The following CDH8 variants were observed in gnomAD, a reference collection of about 807,000 sequenced individuals.
The protein encoded by CDH8 is cadherin 8, also known as cadherin-8.
A neutral mutation model predicts 68.1 loss-of-function variants in CDH8; 17 were observed. That is an observed-to-expected ratio of 0.25 (90% CI 0.17 to 0.37). The LOEUF is 0.37. Ranked by LOEUF, CDH8 falls within the 10% of genes least tolerant of loss-of-function variation. The pLI, the probability that CDH8 is intolerant of heterozygous loss-of-function variation, is 1.00. For synonymous variants in CDH8, 372 were observed against 365.1 expected (o/e 1.02, Z -0.21); for missense variants, 763 against 999.3 (o/e 0.76, Z 3.19).
intron 2 of CDH8, among the ~76,000 whole-genome samples, chr16:61,972,087 G>A (rs991110477): frequency 7.9e-5 from 12 of 152,030 alleles, no homozygotes; most frequent in African/African-American, 2.7e-4. Context: ...GAATCATGGG[G>A]GCAGTTTCCC....
intron 2 of CDH8, among the ~76,000 whole-genome samples, chr16:61,932,940 T>C (rs944286828): frequency 6.6e-6 from 1 of 152,154 alleles, no homozygotes; most frequent in Non-Finnish European, 1.5e-5. Flanking sequence ...GATATTGAGG[T>C]TGTGATCCAG....
chr16:61,835,160 C>T (rs1258844823), intron 4 of CDH8, among the ~76,000 whole-genome samples: 2 of 151,852 alleles, frequency 1.3e-5, no homozygotes, highest in Non-Finnish European at 2.9e-5. Context: ...TCTATATGCC[C>T]TGCCCCATTT....
At chr16:61,913,400 C>T (rs1467937998) in intron 2 of CDH8, among the ~76,000 whole-genome samples, 1 of 152,076 alleles carries the variant, frequency 6.6e-6, no homozygotes, top group Middle Eastern at 3.2e-3. Context: ...GGAGGATGTA[C>T]ATAGGTTATA....
intron 4 of CDH8, among the ~76,000 whole-genome samples, chr16:61,837,199 T>C (rs1171737696): frequency 6.6e-6 from 1 of 152,048 alleles, no homozygotes; most frequent in East Asian, 1.9e-4. Flanking sequence ...TCCTGCTTCA[T>C]CAGATCACTG....
intron 10 of CDH8, among the ~76,000 whole-genome samples, chr16:61,686,068 A>C (rs952687897): frequency 6.6e-6 from 1 of 152,014 alleles, no homozygotes; most frequent in African/African-American, 2.4e-5. Context: ...AGAAATTTAG[A>C]TAAATGTGGA....
chr16:61,760,145 G>A (rs1002643543), intron 8 of CDH8, among the ~76,000 whole-genome samples: 1 of 152,042 alleles, frequency 6.6e-6, no homozygotes, highest in Admixed American at 6.6e-5. Context: ...AGTTGACACT[G>A]TCTAGATGAG....
intron 9 of CDH8, among the ~76,000 whole-genome samples, chr16:61,715,613 A>C (rs547187380): frequency 6.6e-6 from 1 of 151,564 alleles, no homozygotes; most frequent in East Asian, 1.9e-4. Context: ...CATTTTGATA[A>C]ATCTTTTATA....
intron 8 of CDH8, among the ~76,000 whole-genome samples, chr16:61,752,117 G>T (rs1960183502): frequency 6.6e-6 from 1 of 152,268 alleles, no homozygotes; most frequent in African/African-American, 2.4e-5. Context: ...CTAGAAAGGA[G>T]TAAGTGCTAA....
chr16:61,801,268 T>A (rs760376402), intron 7 of CDH8, among the ~76,000 whole-genome samples: 12 of 152,206 alleles, frequency 7.9e-5, no homozygotes, highest in Non-Finnish European at 1.6e-4. Context: ...AGGTCTAGTA[T>A]ACCACACTGA....
At chr16:61,972,597 T>TGTGTGTGTGC (rs1965360512) in intron 2 of CDH8, among the ~76,000 whole-genome samples, 2 of 151,624 alleles carry the variant, frequency 1.3e-5, no homozygotes, top group African/African-American at 4.9e-5. Flanking sequence ...TGTGTGTGTG[T>TGTGTGTGTGC]GTGTGTGTGT....
intron 2 of CDH8, among the ~76,000 whole-genome samples, chr16:62,016,989 C>A (rs905948081): frequency 3.6e-4 from 55 of 152,300 alleles, no homozygotes; most frequent in African/African-American, 1.2e-3. Flanking sequence ...AAATTGTTAA[C>A]TACCCAGGTG....
chr16:61,782,930 T>C (rs561226031), intron 8 of CDH8, among the ~76,000 whole-genome samples: 58 of 151,986 alleles, frequency 3.8e-4, no homozygotes, highest in African/African-American at 7.5e-4. Flanking sequence ...ACCGAAAACC[T>C]ATCTGTACAT....
chr16:61,803,483 A>G (rs1053198178), intron 7 of CDH8, among the ~76,000 whole-genome samples: 1 of 151,190 alleles, frequency 6.6e-6, no homozygotes, highest in East Asian at 1.9e-4. Flanking sequence ...CTTTAAATGT[A>G]AATGGACTAA....
chr16:61,741,174 T>C (rs1959862982), intron 8 of CDH8, among the ~76,000 whole-genome samples: 1 of 152,076 alleles, frequency 6.6e-6, no homozygotes, highest in Non-Finnish European at 1.5e-5. Context: ...TTTTCTTATG[T>C]TTACTGGCCA....
intron 8 of CDH8, among the ~76,000 whole-genome samples, chr16:61,751,180 C>G (rs1208591849): frequency 6.6e-6 from 1 of 151,744 alleles, no homozygotes; most frequent in African/African-American, 2.4e-5. Context: ...AATACCGATG[C>G]AATACAGCAC....
chr16:61,808,536 T>C lies in CDH8; in HGVS notation c.1277+8943A>G, dbSNP rs928181699. Among the ~76,000 whole-genome samples the C allele has an allele frequency of 3.3e-5, 5 of 152,330 alleles. No homozygotes were observed. In the East Asian group the frequency reaches 7.7e-4, roughly 24 times the overall value. On this transcript the variant is annotated intron_variant, in intron 7 of 11. Transcript: ENST00000577390. ...GATTCAACATGGGTGCATGCTGTCA[T>C]GGGCCCCATGAGTACTAAGATTCCA...
chr16:61,851,524 T>C (rs1441872525), intron 4 of CDH8, among the ~76,000 whole-genome samples: 1 of 152,046 alleles, frequency 6.6e-6, no homozygotes, highest in Non-Finnish European at 1.5e-5. Flanking sequence ...TTCAATCACC[T>C]AGGATGGACT....
chr16:61,843,817 C>T (rs890091655), intron 4 of CDH8, among the ~76,000 whole-genome samples: 2 of 152,130 alleles, frequency 1.3e-5, no homozygotes, highest in African/African-American at 4.8e-5. Flanking sequence ...CACTGACTTC[C>T]ACAATGGTTG....
At chr16:61,964,148 C>T (rs753460920) in intron 2 of CDH8, among the ~76,000 whole-genome samples, 2 of 152,200 alleles carry the variant, frequency 1.3e-5, no homozygotes, top group Non-Finnish European at 2.9e-5. Flanking sequence ...TGTTTCCAGT[C>T]ACAAAACCAT....
Sources: gnomAD v4.1 joint callset for allele counts (sites outside exome capture counted in the v4.1 genomes callset) on GRCh38, gnomAD v4.1.1 for gene constraint, MANE v1.5 for transcripts, NCBI Gene and HGNC (gene_info 2026-07-23, HGNC 2026-07-21) for gene names.